Variants in ZC3H6 observed in about 807,000 individuals in gnomAD.
ZC3H6 encodes zinc finger CCCH-type containing 6.
In ZC3H6, 40 loss-of-function variants were observed where a neutral mutation model predicts 107.7. The ratio of observed to expected loss-of-function variants is 0.37; its 90% CI spans 0.29 to 0.48. The LOEUF (loss-of-function observed/expected upper bound fraction) is 0.48, where lower values mean the gene tolerates loss of function less well. Among genes scored for constraint, ZC3H6 ranks in the 20% least tolerant of loss-of-function variants. The pLI is 0.98. For synonymous variants in ZC3H6, 493 were observed against 487.9 expected, an observed-to-expected ratio of 1.01 and a Z score of -0.14; for missense variants, 1,267 against 1,410.4, an observed-to-expected ratio of 0.90 and a Z score of 1.63.
rs72943974 is a variant in ZC3H6, at chr2:112,318,796, T to C, written c.976+1464T>C. On this transcript the variant is annotated intron_variant, in intron 7 of 11. Transcript: ENST00000409871. ...CTGGGCAGTGATTACTGATGGCTGC[T>C]AAAATCATGAGGTGAAAAGTTAATT... Among the ~76,000 whole-genome samples, 532 of 152,282 alleles carry C rather than the reference T, an allele frequency of 3.5e-3. 2 individuals are homozygous for C. The highest frequency in any genetic ancestry group is 0.012 in the African/African-American group (493 of 41,550).
In ZC3H6 at chr2:112,333,708, G is replaced by A. The variant is rs1158807035; in HGVS notation, c.*1220G>A. On this transcript the variant is annotated 3_prime_UTR_variant, in exon 12 of 12. Coordinates refer to ENST00000409871, the MANE Select transcript of ZC3H6 (RefSeq NM_198581.3). ...TATAACTGAATCTAAGTATTAGACT[G>A]CTACTCATATTTTGAACTGCAGGTG... The A allele has an allele frequency of 6.6e-6, 1 of 152,042 alleles. No individual in the cohort carries two copies. Among genetic ancestry groups the A allele is most frequent in the Non-Finnish European group, 1.5e-5 (1 of 67,960 alleles). The allele number at this position is 152,042 out of a possible 1,614,324, so 9.4% of individuals were successfully genotyped here.
At position 112,331,760 on chromosome 2, in the gene ZC3H6, G is replaced by C. The variant is rs763660405; in HGVS notation, c.2842G>C (p.Glu948Gln). Residue 948 changes from glutamate (E) to glutamine (Q), a missense_variant, in exon 12 of 12, where the codon GAA becomes CAA. Glu to Gln is a conservative substitution (Grantham distance 29, BLOSUM62 2). Transcript: ENST00000409871. ...INTTNREGYL[E>Q]QFGDSHGSGA... ...CACAACAAACAGAGAAGGCTACCTA[G>C]AACAATTTGGAGACTCACACGGTTC... The C allele has an allele frequency of 6.2e-7, 1 of 1,613,618 alleles. No individual in the cohort carries two copies. The highest frequency in any genetic ancestry group is 1.1e-5 in the South Asian group (1 of 91,058).
intron 3 of ZC3H6, 163 bp downstream of exon 3, chr2:112,303,514 C>A: frequency 1.8e-6 from 1 of 547,952 alleles, no homozygotes. Flanking sequence ...CAAACAGAAA[C>A]TCAGCACCTA....
At position 112,322,811 on chromosome 2, in the gene ZC3H6, A is replaced by G; in HGVS notation, c.1249A>G (p.Thr417Ala). The G allele has an allele frequency of 6.2e-7, 1 of 1,613,968 alleles. No individual in the cohort carries two copies. Among genetic ancestry groups the G allele is most frequent in the Non-Finnish European group, 8.5e-7 (1 of 1,179,876 alleles). ...PFSDPEDDFQ[T>A]DFSDDFRKIP... ...TTCTGATCCTGAAGACGATTTTCAG[A>G]CAGATTTCTCTGATGATTTTAGGAA... Residue 417 changes from threonine (T) to alanine (A), a missense_variant, in exon 9 of 12, where the codon ACA (threonine) becomes GCA (alanine). Coordinates refer to ENST00000409871, the MANE Select transcript of ZC3H6 (RefSeq NM_198581.3).
In ZC3H6 at chr2:112,321,447, T is replaced by C. The variant is rs147933805; in HGVS notation, c.977-309T>C. Among the ~76,000 whole-genome samples the C allele has an allele frequency of 3.2e-4, 48 of 151,936 alleles. No individual in the cohort carries two copies. The East Asian group carries it at 8.7e-3, about 27-fold the overall frequency. On this transcript the variant is annotated intron_variant, in intron 7 of 11. Transcript: ENST00000409871. The stretch of plus-strand genomic sequence containing the variant: ...TGAATGTTTTTGTATAATTAAAATA[T>C]CTAACCTTAATAGAATTAAAAATAA...
At position 112,303,310 on chromosome 2, in the gene ZC3H6, A is replaced by C. The variant is rs538883931; in HGVS notation, c.295A>C (p.Arg99=). 6.2e-7 allele frequency: 1 copy of C among 1,613,512 alleles called. No homozygotes were observed. The highest frequency in any genetic ancestry group is 1.1e-5 in the South Asian group (1 of 91,050). Residue 99 remains arginine, a synonymous_variant, in exon 3 of 12, where the codon AGA becomes CGA. Transcript: ENST00000409871. ...VEHTESSHKK[R]TGFYRDYDIP... ...ACATACAGAAAGTTCCCATAAAAAA[A>C]GAACTGGTTTCTACAGGGATTATGA...
rs1677052998 is a variant in ZC3H6 at position 112,332,339 on chromosome 2, A to G, written c.3421A>G (p.Ile1141Val). Reference protein sequence around the residue: ...SLPVQALTGLIRPQYSDPRQA... With the variant: ...SLPVQALTGLVRPQYSDPRQA... ...TCCTGTTCAGGCATTAACAGGCTTAATTAGGCCACAGTACAGTGATCCAAG... is the reference window on the plus strand; with the variant it reads ...TCCTGTTCAGGCATTAACAGGCTTAGTTAGGCCACAGTACAGTGATCCAAG... Residue 1141 changes from isoleucine to valine, a missense_variant, in exon 12 of 12, where the codon ATT becomes GTT. Physicochemically the swap from Ile to Val is conservative, Grantham distance 29. Coordinates refer to ENST00000409871, the MANE Select transcript of ZC3H6 (RefSeq NM_198581.3). 1 of 1,613,950 alleles carries G rather than the reference A, an allele frequency of 6.2e-7. No individual in the cohort carries two copies. The highest frequency in any genetic ancestry group is 8.5e-7 in the Non-Finnish European group (1 of 1,179,864).
At chr2:112,296,472 C>G (rs141104243) in intron 1 of ZC3H6, among the ~76,000 whole-genome samples, 167 of 152,204 alleles carry the variant, frequency 1.1e-3, no homozygotes, top group African/African-American at 3.8e-3. Flanking sequence ...ACTATTATGA[C>G]TACAGCTGTC....
At position 112,331,499 on chromosome 2, in the gene ZC3H6, C is replaced by A; in HGVS notation, c.2581C>A (p.His861Asn). ...AAGGTCACAATTGAGACAGTTCAGT[C>A]ACATTAAAATGGACATTACTCTAAC... ...DPRSQLRQFS[H>N]IKMDITLTKP... The change falls in exon 12 of 12, where the codon CAC becomes AAC. Residue 861 changes from histidine (H) to asparagine (N), a missense_variant. By Grantham distance (68) the His-to-Asn change is moderately conservative. Transcript: ENST00000409871. The A allele has an allele frequency of 6.2e-7, 1 of 1,613,976 alleles. No individual in the cohort carries two copies.
chr2:112,324,994 A>C lies in ZC3H6; in HGVS notation c.1883A>C (p.Gln628Pro). 1 of 1,610,230 alleles carries C rather than the reference A, an allele frequency of 6.2e-7. No homozygotes were observed. The highest frequency in any genetic ancestry group is 2.2e-5 in the East Asian group (1 of 44,750). Residue 628 changes from glutamine to proline, a missense_variant, in exon 11 of 12, where the codon CAG becomes CCG. By Grantham distance (76) the Gln-to-Pro change is moderately conservative. This residue lies in a region of ZC3H6 where 925 missense variants were observed against 1,025.7 expected (regional missense o/e 0.90). Coordinates refer to ENST00000409871, the MANE Select transcript of ZC3H6 (RefSeq NM_198581.3). The stretch of plus-strand genomic sequence containing the variant: ...ATGTGGCATGGTGAATTTGCCCAGC[A>C]GCAGCCTCCTGTTGTTCAAGACTCA... ...DGMWHGEFAQQQPPVVQDSPN... is the reference protein window; with the variant it reads ...DGMWHGEFAQPQPPVVQDSPN...
intron 1 of ZC3H6, among the ~76,000 whole-genome samples, chr2:112,287,550 C>A (rs1422819255): frequency 2.0e-5 from 3 of 152,080 alleles, no homozygotes; most frequent in African/African-American, 7.2e-5. Flanking sequence ...TGGATGGGGG[C>A]AGATAATTAA....
In ZC3H6 at chr2:112,275,706, C is replaced by T. The variant is rs1459064501; in HGVS notation, c.-289C>T. 2.4e-6 allele frequency: 1 copy of T among 416,050 alleles called. No individual in the cohort carries two copies. The highest frequency in any genetic ancestry group is 4.3e-6 in the Non-Finnish European group (1 of 234,918). The allele number at this position is 416,050 out of a possible 1,614,324, so 25.8% of individuals were successfully genotyped here. On this transcript the variant is annotated 5_prime_UTR_variant, in exon 1 of 12. Coordinates refer to ENST00000409871, the MANE Select transcript of ZC3H6 (RefSeq NM_198581.3). ...TCGCTGCACGCCGCCCGCCCGCTCCCACGCCACAGCCACCGGCGGCGAATA... is the reference window on the plus strand; with the variant it reads ...TCGCTGCACGCCGCCCGCCCGCTCCTACGCCACAGCCACCGGCGGCGAATA...
chr2:112,294,170 G>A (rs550496582), intron 1 of ZC3H6, among the ~76,000 whole-genome samples: 1 of 152,190 alleles, frequency 6.6e-6, no homozygotes, highest in Admixed American at 6.5e-5. Context: ...TTCTGCCAAA[G>A]CTTAGGTCAG....
rs527706083 is a variant in ZC3H6, at chr2:112,334,138, T to C, written c.*1650T>C. ...TCTAAAATGGCTCTGGATAACATTT[T>C]TGGGTTAAAAAATGTAATTTAAAGC... is the stretch of plus-strand genomic sequence containing the variant. On this transcript the variant is annotated 3_prime_UTR_variant, in exon 12 of 12. Coordinates refer to ENST00000409871, the MANE Select transcript of ZC3H6 (RefSeq NM_198581.3). The C allele has an allele frequency of 1.3e-5, 2 of 152,120 alleles. No homozygotes were observed. The highest frequency in any genetic ancestry group is 2.9e-5 in the Non-Finnish European group (2 of 67,984). The allele number at this position is 152,120 out of a possible 1,614,324, so 9.4% of individuals were successfully genotyped here.
intron 1 of ZC3H6, among the ~76,000 whole-genome samples, chr2:112,294,970 C>A (rs1330378916): frequency 4.6e-5 from 7 of 152,044 alleles, no homozygotes; most frequent in African/African-American, 1.7e-4. Context: ...TTAAAGTGTA[C>A]AGATCACTGG....
chr2:112,333,462 G>C lies in ZC3H6; in HGVS notation c.*974G>C, dbSNP rs1677077437. 1 of 152,376 alleles carries C rather than the reference G, an allele frequency of 6.6e-6. No homozygotes were observed. The highest frequency in any genetic ancestry group is 1.5e-5 in the Non-Finnish European group (1 of 67,948). The allele number at this position is 152,376 out of a possible 1,614,324, so 9.4% of individuals were successfully genotyped here. On this transcript the variant is annotated 3_prime_UTR_variant, in exon 12 of 12. Coordinates refer to ENST00000409871, the MANE Select transcript of ZC3H6 (RefSeq NM_198581.3). ...ATACAGATTGCTAGTATAGTCAACA[G>C]TATTTGGCTATCAATAAAGAATCTC... is the stretch of plus-strand genomic sequence containing the variant.
rs1233183990 is a variant in ZC3H6, at chr2:112,332,945, T to C, written c.*457T>C. 1 of 152,840 alleles carries C rather than the reference T, an allele frequency of 6.5e-6. No individual in the cohort carries two copies. Among genetic ancestry groups the C allele is most frequent in the African/African-American group, 2.4e-5 (1 of 41,472 alleles). 9.5% of individuals were successfully genotyped at this position (152,840 alleles called of 1,614,324 possible). ...ATTAATATGTAATGCTACCTGCTAA[T>C]TAAAATGTAAAATCAAGTAAAGAAA... On this transcript the variant is annotated 3_prime_UTR_variant, in exon 12 of 12. Transcript: ENST00000409871.
chr2:112,305,378 C>A (rs1296275668), intron 3 of ZC3H6, among the ~76,000 whole-genome samples: 2 of 152,066 alleles, frequency 1.3e-5, no homozygotes, highest in African/African-American at 2.4e-5. Flanking sequence ...AAGTACATAG[C>A]CTTCTATGTG....
intron 1 of ZC3H6, among the ~76,000 whole-genome samples, chr2:112,285,069 TAA>T (rs957486297): frequency 2.0e-5 from 3 of 152,206 alleles, no homozygotes; most frequent in African/African-American, 7.2e-5. Flanking sequence ...TATTTTTCGT[TAA>T]AGTTTTTATA....
Sources: allele counts gnomAD v4.1 joint callset (sites outside exome capture counted in the v4.1 genomes callset), GRCh38; gene constraint gnomAD v4.1.1; regional missense constraint gnomAD v4.1.1; transcripts MANE v1.5; gene names NCBI Gene and HGNC (gene_info 2026-07-23, HGNC 2026-07-21).